The following CSMD1 variants were observed in gnomAD, a reference collection of about 807,000 sequenced individuals.
CSMD1 encodes CUB and sushi domain-containing protein 1.
CSMD1 carries 213 observed loss-of-function variants against 417.5 expected under a neutral mutation model. The observed-to-expected ratio is 0.51, with a 90% confidence interval of 0.46 to 0.57. The LOEUF is 0.57. CSMD1 is among the 20% of genes least tolerant of loss of function. CSMD1 has a pLI of 0.00. For synonymous variants in CSMD1, 2,862 were observed against 1,736.8 expected (o/e 1.65, Z -16.11); for missense variants, 6,923 against 4,529.7 (o/e 1.53, Z -15.17).
intron 1 of CSMD1, among the ~76,000 whole-genome samples, chr8:4,678,609 G>T (rs1220782329): frequency 6.6e-6 from 1 of 152,030 alleles, no homozygotes; most frequent in African/African-American, 2.4e-5. Flanking sequence ...ATTACAATAT[G>T]CATTTACATT....
At chr8:3,033,439 C>T (rs146656260) in intron 50 of CSMD1, among the ~76,000 whole-genome samples, 1 of 152,098 alleles carries the variant, frequency 6.6e-6, no homozygotes, top group African/African-American at 2.4e-5. Context: ...GGACTTCAGA[C>T]CTCAAGACAA....
intron 11 of CSMD1, among the ~76,000 whole-genome samples, chr8:3,471,497 CTTCCTTCCTTCA>C (rs1460840948): frequency 2.1e-5 from 2 of 95,088 alleles, no homozygotes; most frequent in South Asian, 3.2e-4. Context: ...TCCTTCTTTC[CTTCCTTCCTTCA>C]TTCCTTCCTT....
chr8:4,129,078 A>G (rs1802936472), intron 3 of CSMD1, among the ~76,000 whole-genome samples: 1 of 149,780 alleles, frequency 6.7e-6, no homozygotes, highest in Non-Finnish European at 1.5e-5. Flanking sequence ...CCAACTCAAA[A>G]AAAAAAAAAA....
chr8:3,729,845 T>C (rs1802718537), intron 6 of CSMD1, among the ~76,000 whole-genome samples: 1 of 148,010 alleles, frequency 6.8e-6, no homozygotes, highest in South Asian at 2.1e-4. Context: ...CCTTGCATAT[T>C]CCATGTATTG....
intron 3 of CSMD1, among the ~76,000 whole-genome samples, chr8:4,419,329 C>T (rs986629257): frequency 6.6e-6 from 1 of 152,048 alleles, no homozygotes; most frequent in African/African-American, 2.4e-5. Context: ...TTCTTAAAAC[C>T]TAATACTTGA....
At chr8:3,299,184 G>A (rs1254214006) in intron 25 of CSMD1, among the ~76,000 whole-genome samples, 1 of 152,226 alleles carries the variant, frequency 6.6e-6, no homozygotes, top group Non-Finnish European at 1.5e-5. Context: ...AGGTATGGTG[G>A]CTCACGCCTG....
chr8:3,503,471 T>G (rs920825558), intron 10 of CSMD1, among the ~76,000 whole-genome samples: 3 of 152,244 alleles, frequency 2.0e-5, no homozygotes, highest in African/African-American at 7.2e-5. Flanking sequence ...ACAGCAGTCT[T>G]GGGACGGCGG....
chr8:3,352,735 G>A (rs1318860754), intron 21 of CSMD1, among the ~76,000 whole-genome samples: 1 of 152,190 alleles, frequency 6.6e-6, no homozygotes, highest in Non-Finnish European at 1.5e-5. Context: ...ACCTAATTGG[G>A]AGGCTGAGGC....
intron 1 of CSMD1, among the ~76,000 whole-genome samples, chr8:4,795,494 T>C (rs7822091): frequency 0.17 from 25,753 of 151,422 alleles, 2,961 homozygotes; most frequent in East Asian, 0.43. Flanking sequence ...ATGGTCTCGA[T>C]ATCCTGACCT....
At chr8:3,497,229 G>T (rs946110823) in intron 10 of CSMD1, among the ~76,000 whole-genome samples, 2 of 152,204 alleles carry the variant, frequency 1.3e-5, no homozygotes, top group East Asian at 1.9e-4. Flanking sequence ...TCTGTTCCAT[G>T]CTGAGAGTAG....
At chr8:4,308,796 A>C (rs1290543718) in intron 3 of CSMD1, among the ~76,000 whole-genome samples, 1 of 152,218 alleles carries the variant, frequency 6.6e-6, no homozygotes, top group Non-Finnish European at 1.5e-5. Context: ...TAATTCACAG[A>C]TGAGTTATTA....
At chr8:4,313,402 T>G (rs547872547) in intron 3 of CSMD1, among the ~76,000 whole-genome samples, 2 of 151,690 alleles carry the variant, frequency 1.3e-5, no homozygotes, top group Admixed American at 6.6e-5. Context: ...AGAATGCGTT[T>G]AGTGTGAAGA....
At chr8:4,553,636 C>T (rs1797966997) in intron 2 of CSMD1, among the ~76,000 whole-genome samples, 1 of 152,132 alleles carries the variant, frequency 6.6e-6, no homozygotes, top group Non-Finnish European at 1.5e-5. Flanking sequence ...ACCAATATAG[C>T]ATGAAAAGCA....
At chr8:3,307,916 T>TATATACATAGAGAAA in intron 24 of CSMD1, 95 bp from the exon 25 acceptor site, 3 of 1,332,632 alleles carry the variant, frequency 2.3e-6, no homozygotes, top group Non-Finnish European at 3.1e-6. Context: ...ATGTCTGCAT[T>TATATACATAGAGAAA]ATATACATAG....
chr8:4,932,625 G>A (rs1807321269), intron 1 of CSMD1, among the ~76,000 whole-genome samples: 1 of 152,200 alleles, frequency 6.6e-6, no homozygotes, highest in Non-Finnish European at 1.5e-5. Flanking sequence ...GTAGCAAGTT[G>A]ACGTGTTTCT....
At chr8:4,824,033 T>A (rs1372274965) in intron 1 of CSMD1, among the ~76,000 whole-genome samples, 1 of 150,460 alleles carries the variant, frequency 6.6e-6, no homozygotes, top group Non-Finnish European at 1.5e-5. Flanking sequence ...CACACAAACA[T>A]CCATGCACCC....
chr8:4,724,594 G>T (rs1007002145), intron 1 of CSMD1, among the ~76,000 whole-genome samples: 1 of 150,796 alleles, frequency 6.6e-6, no homozygotes, highest in African/African-American at 2.4e-5. Context: ...TGTTGAAGAA[G>T]AATTGACATA....
chr8:3,937,176 G>C (rs889532056), intron 5 of CSMD1, among the ~76,000 whole-genome samples: 1 of 152,134 alleles, frequency 6.6e-6, no homozygotes, highest in African/African-American at 2.4e-5. Context: ...ATCTACTCCT[G>C]GTGAAGATGC....
At chr8:4,422,788 G>A (rs184201465) in intron 2 of CSMD1, among the ~76,000 whole-genome samples, 3 of 152,132 alleles carry the variant, frequency 2.0e-5, no homozygotes, top group African/African-American at 7.2e-5. Flanking sequence ...CCTTAACCAA[G>A]TAAGAGAAAA....
Sources: gnomAD v4.1 joint callset for allele counts (sites outside exome capture counted in the v4.1 genomes callset) on GRCh38, gnomAD v4.1.1 for gene constraint, MANE v1.5 for transcripts, NCBI Gene and HGNC (gene_info 2026-07-23, HGNC 2026-07-21) for gene names.